Variants in ZNF251 observed in about 807,000 individuals in gnomAD.
ZNF251 encodes zinc finger protein 251.
Under a neutral mutation model 13.5 loss-of-function variants are expected in ZNF251, and 14 were observed. That is an observed-to-expected ratio of 1.04 (90% CI 0.69 to 1.63). The LOEUF is 1.63. ZNF251 is among the 40% of genes most tolerant of loss of function. The probability of loss-of-function intolerance (pLI) is 0.00; values close to 1 mark genes in which losing one functional copy is unlikely to be tolerated. For synonymous variants in ZNF251, 287 were observed against 295.2 expected, an observed-to-expected ratio of 0.97 and a Z score of 0.28; for missense variants, 764 against 834.9, an observed-to-expected ratio of 0.92 and a Z score of 1.05.
Position 144,721,823 on chromosome 8 carries a change from G to A in ZNF251, c.1837C>T (p.Gln613Ter). The A allele has an allele frequency of 6.7e-7, 1 of 1,496,280 alleles. No homozygotes were observed. 92.7% of individuals were successfully genotyped at this position (1,496,280 alleles called of 1,614,324 possible). A position where few individuals can be genotyped will look rare whatever the true frequency, so the allele number is the denominator to read the frequency against. ...GGTTTCTGACCAGTGTGAGTTACCTGATGTTGAATAAGGGTTGACTTTCCA... is the reference window on the plus strand; with the variant it reads ...GGTTTCTGACCAGTGTGAGTTACCTAATGTTGAATAAGGGTTGACTTTCCA... ...FSGKSTLIQH[Q>*]VTHTGQKPCH... Residue 613 changes from glutamine (Q) to a stop codon, truncating the protein, a stop_gained, in exon 5 of 5, where the codon CAG becomes TAG. Coordinates refer to ENST00000292562, the MANE Select transcript of ZNF251 (RefSeq NM_138367.2). LOFTEE classifies it low-confidence loss of function (END_TRUNC).
chr8:144,734,058 T>C lies in ZNF251; in HGVS notation c.278-10676A>G, dbSNP rs1823806429. Among the ~76,000 whole-genome samples, 1 of 152,198 alleles carries C rather than the reference T, an allele frequency of 6.6e-6. No homozygotes were observed. Among genetic ancestry groups the C allele is most frequent in the African/African-American group, 2.4e-5 (1 of 41,456 alleles). ...CTAAACTGTGCAGCCTGAATGACTG[T>C]TGGGCAGGTAAGCGTGGCTCTGTGT... On this transcript the variant is annotated intron_variant, in intron 4 of 4. Coordinates refer to ENST00000292562, the MANE Select transcript of ZNF251 (RefSeq NM_138367.2). The surrounding 1 kb of genome is among the most constrained non-coding windows in gnomAD (Gnocchi z 4.4).
chr8:144,728,744 T>G (rs1028536047), intron 4 of ZNF251, among the ~76,000 whole-genome samples: 11 of 148,606 alleles, frequency 7.4e-5, no homozygotes, highest in African/African-American at 2.8e-4. Context: ...CTGTTGAAAA[T>G]GGCACTGACA....
In ZNF251 at chr8:144,754,234, G is replaced by A. The variant is rs180848854; in HGVS notation, c.121C>T (p.Arg41Trp). ...CCATAGTTCTCCAGCATCACATCCC[G>A]GTAGAGCGCCCGCTGCTGGGGGCCC... ...QLGPQQRALY[R>W]DVMLENYGNV... The change falls in exon 3 of 5, where the codon CGG becomes TGG. Residue 41 changes from arginine (R) to tryptophan (W), a missense_variant. Arg to Trp is a moderately radical substitution (Grantham distance 101). Coordinates refer to ENST00000292562, the MANE Select transcript of ZNF251 (RefSeq NM_138367.2). 2 of 1,613,996 alleles carry A rather than the reference G, an allele frequency of 1.2e-6. No homozygotes were observed. Among genetic ancestry groups the A allele is most frequent in the East Asian group, 2.2e-5 (1 of 44,876 alleles).
intron 2 of ZNF251, 66 bp downstream of exon 2, chr8:144,754,630 G>C (rs1824868498): frequency 1.5e-5 from 23 of 1,552,398 alleles, no homozygotes; most frequent in East Asian, 2.3e-5. Flanking sequence ...GGCTCCAGAG[G>C]AGAGTAGCTT....
intron 4 of ZNF251, among the ~76,000 whole-genome samples, chr8:144,748,694 G>A (rs1303684370): frequency 6.6e-6 from 1 of 152,072 alleles, no homozygotes; most frequent in Non-Finnish European, 1.5e-5. Context: ...TTGAGTAGCT[G>A]AGACTTATAG....
intron 1 of ZNF251, 91 bp downstream of exon 1, chr8:144,755,314 C>T (rs1824909594): frequency 2.3e-6 from 3 of 1,282,226 alleles, no homozygotes; most frequent in Non-Finnish European, 3.0e-6. Flanking sequence ...CAGGCTCCTC[C>T]TGGACTGGCC....
At chr8:144,730,066 G>A in intron 4 of ZNF251, 3 of 985,466 alleles carry the variant, frequency 3.0e-6, no homozygotes, top group Non-Finnish European at 3.6e-6. Context: ...GCAGCTGTAT[G>A]GCAGGCCCAG....
At chr8:144,739,008 AT>A (rs1447972115) in intron 4 of ZNF251, among the ~76,000 whole-genome samples, 1 of 151,824 alleles carries the variant, frequency 6.6e-6, no homozygotes, top group Non-Finnish European at 1.5e-5. Context: ...CCTGACGGGG[AT>A]GGCCAACTGG....
rs373310177 is a variant in ZNF251, at chr8:144,754,271, C to A, written c.84G>T (p.Glu28Asp). Reference sequence around the variant, plus strand: ...GCTGCTGGGGGCCCAGCTGCCGCCCCTCCGCCTGAGAGAAGTACACGGCCA... The same window carrying A: ...GCTGCTGGGGGCCCAGCTGCCGCCCATCCGCCTGAGAGAAGTACACGGCCA... ...QDVAVYFSQA[E>D]GRQLGPQQRA... The change falls in exon 3 of 5, where the codon GAG becomes GAT. Residue 28 changes from glutamate to aspartate, a missense_variant. Coordinates refer to ENST00000292562, the MANE Select transcript of ZNF251 (RefSeq NM_138367.2). 6.2e-7 allele frequency: 1 copy of A among 1,613,482 alleles called. No homozygotes were observed. The highest frequency in any genetic ancestry group is 1.7e-5 in the Admixed American group (1 of 59,902).
At chr8:144,754,139 C>T in intron 3 of ZNF251, 53 bp downstream of exon 3, 1 of 1,575,800 alleles carries the variant, frequency 6.3e-7, no homozygotes, top group South Asian at 1.2e-5. Flanking sequence ...AGCAGCCTCC[C>T]AAGCTCCTCA....
rs1418933767 is a variant in ZNF251 at position 144,722,745 on chromosome 8, G to A, written c.915C>T (p.Ser305=). The part of the protein sequence containing the change: ...CGECGKAFSR[S]STLIQHRIIH... ...TGATCCGATGTTGAATAAGAGTTGA[G>A]CTTCGACTGAAAGCCTTCCCACACT... Residue 305 remains serine, a synonymous_variant, in exon 5 of 5, where the codon AGC becomes AGT. Coordinates refer to ENST00000292562, the MANE Select transcript of ZNF251 (RefSeq NM_138367.2). The surrounding 1 kb of genome is among the most constrained non-coding windows in gnomAD (Gnocchi z 4.8). 9 of 1,614,008 alleles carry A rather than the reference G, an allele frequency of 5.6e-6. No homozygotes were observed. Among genetic ancestry groups the A allele is most frequent in the Non-Finnish European group, 7.6e-6 (9 of 1,179,940 alleles).
Position 144,754,796 on chromosome 8 carries a change from G to C in ZNF251, c.-68C>G. The C allele has an allele frequency of 1.3e-6, 2 of 1,580,156 alleles. No homozygotes were observed. The highest frequency in any genetic ancestry group is 1.7e-6 in the Non-Finnish European group (2 of 1,163,758). On this transcript the variant is annotated 5_prime_UTR_variant, in exon 2 of 5. Coordinates refer to ENST00000292562, the MANE Select transcript of ZNF251 (RefSeq NM_138367.2). ...GACTGCCCTGGCCTGAAGTCTCCCC[G>C]AACTTACCTTCAGTGGGGAGAACTC...
chr8:144,727,203 C>T (rs560676319), intron 4 of ZNF251, among the ~76,000 whole-genome samples: 1 of 152,334 alleles, frequency 6.6e-6, no homozygotes, highest in Admixed American at 6.5e-5. Flanking sequence ...TTCTGTAGAG[C>T]TGATAATGCT....
intron 4 of ZNF251, among the ~76,000 whole-genome samples, chr8:144,731,843 C>A (rs1823703991): frequency 6.6e-6 from 1 of 152,176 alleles, no homozygotes; most frequent in Non-Finnish European, 1.5e-5. Context: ...CCACCTCGGC[C>A]TCCCAAAGTG....
At position 144,721,860 on chromosome 8, in the gene ZNF251, T is replaced by C; in HGVS notation, c.1800A>G (p.Gly600=). 6.7e-7 allele frequency: 1 copy of C among 1,498,418 alleles called. No individual in the cohort carries two copies. Among genetic ancestry groups the C allele is most frequent in the Non-Finnish European group, 8.9e-7 (1 of 1,123,466 alleles). 92.8% of individuals were successfully genotyped at this position (1,498,418 alleles called of 1,614,324 possible). A position where few individuals can be genotyped will look rare whatever the true frequency, so the allele number is the denominator to read the frequency against. The change falls in exon 5 of 5, where the codon GGA becomes GGG. Residue 600 remains glycine (G), a synonymous_variant. Coordinates refer to ENST00000292562, the MANE Select transcript of ZNF251 (RefSeq NM_138367.2). ...GEKPYKCQEC[G]NAFSGKSTLI... ...GGGTTGACTTTCCACTGAAGGCGTT[T>C]CCACATTCTTGACATTTATAGGGCT...
chr8:144,750,846 G>GTTTTTTTTTTTTTTTTTT (rs58473905), intron 4 of ZNF251, among the ~76,000 whole-genome samples: 1 of 141,314 alleles, frequency 7.1e-6, no homozygotes. Context: ...TCTCTCCAGA[G>GTTTTTTTTTTTTTTTTTT]TTTTTTTTTT....
chr8:144,752,165 G>C (rs1824729454), intron 4 of ZNF251, among the ~76,000 whole-genome samples: 1 of 147,870 alleles, frequency 6.8e-6, no homozygotes, highest in African/African-American at 2.5e-5. Flanking sequence ...AAATCAGCAA[G>C]GATACAGAAG....
At chr8:144,755,195 G>T in intron 1 of ZNF251, 1 of 1,169,538 alleles carries the variant, frequency 8.6e-7, no homozygotes, top group Non-Finnish European at 1.1e-6. Context: ...CAGGCTCCGG[G>T]GAGAGGCCGG....
At chr8:144,723,468 C>T in intron 4 of ZNF251, 86 bp from the exon 5 acceptor site, 1 of 1,022,516 alleles carries the variant, frequency 9.8e-7, no homozygotes, top group Admixed American at 3.6e-5. Context: ...TCCTATAAAC[C>T]ATCATGCAGA....
Sources: allele counts gnomAD v4.1 joint callset (sites outside exome capture counted in the v4.1 genomes callset), GRCh38; gene constraint gnomAD v4.1.1; non-coding constraint Gnocchi (gnomAD v3.1); transcripts MANE v1.5; gene names NCBI Gene and HGNC (gene_info 2026-07-23, HGNC 2026-07-21).